DLGAP1: variants seen among roughly 807,000 people sequenced by gnomAD.
DLGAP1 encodes disks large-associated protein 1.
In DLGAP1, 11 loss-of-function variants were observed where a neutral mutation model predicts 90.8. That is an observed-to-expected ratio of 0.12 (90% CI 0.08 to 0.20). The LOEUF (loss-of-function observed/expected upper bound fraction) is 0.20, where lower values mean the gene tolerates loss of function less well. DLGAP1 is among the 10% of genes least tolerant of loss of function. The pLI is 1.00. For synonymous variants in DLGAP1, 558 were observed against 540.7 expected, an observed-to-expected ratio of 1.03 and a Z score of -0.44; for missense variants, 1,050 against 1,333.8, an observed-to-expected ratio of 0.79 and a Z score of 3.31.
intron 9 of DLGAP1, among the ~76,000 whole-genome samples, chr18:3,542,334 A>G (rs1486800488): frequency 6.6e-6 from 1 of 152,182 alleles, no homozygotes; most frequent in Non-Finnish European, 1.5e-5. Flanking sequence ...CTATTAGTCA[A>G]TTTCACCTGT....
chr18:3,652,835 T>C (rs2059361933), intron 7 of DLGAP1, among the ~76,000 whole-genome samples: 1 of 152,230 alleles, frequency 6.6e-6, no homozygotes, highest in Non-Finnish European at 1.5e-5. Context: ...ACAGAACACA[T>C]GCTGCTTATC....
Position 3,775,840 on chromosome 18 carries a change from T to C in DLGAP1, c.1173-33328A>G, listed in dbSNP as rs2064915729. Reference sequence around the variant, plus strand: ...ATATTCCAGAGGCTTGCTACCTTCTTTCCCCTTCCCAGAGATAAACAACCC... The same window carrying C: ...ATATTCCAGAGGCTTGCTACCTTCTCTCCCCTTCCCAGAGATAAACAACCC... On this transcript the variant is annotated intron_variant, in intron 5 of 12. Transcript: ENST00000315677. This position sits in a 1 kb window ranked among gnomAD's most constrained non-coding sequence, Gnocchi z 4.9. Among the ~76,000 whole-genome samples the C allele has an allele frequency of 6.6e-6, 1 of 152,182 alleles. No individual in the cohort carries two copies. The highest frequency in any genetic ancestry group is 1.5e-5 in the Non-Finnish European group (1 of 68,026).
intron 1 of DLGAP1, among the ~76,000 whole-genome samples, chr18:4,242,599 T>C (rs369366595): frequency 1.3e-5 from 2 of 152,072 alleles, no homozygotes; most frequent in African/African-American, 2.4e-5. Context: ...TCAGAAACAT[T>C]TGCACACCTG....
chr18:3,554,752 C>A (rs2053657081), intron 9 of DLGAP1, among the ~76,000 whole-genome samples: 2 of 152,152 alleles, frequency 1.3e-5, no homozygotes, highest in Admixed American at 1.3e-4. Flanking sequence ...GAAAACCACA[C>A]TAAATTTAGA....
At chr18:4,284,164 A>C (rs1366393778) in intron 1 of DLGAP1, among the ~76,000 whole-genome samples, 1 of 148,382 alleles carries the variant, frequency 6.7e-6, no homozygotes, top group Non-Finnish European at 1.5e-5. Context: ...TAGCCACTGC[A>C]CTCCAGCCTG....
chr18:4,208,272 GA>G (rs1031824847), intron 1 of DLGAP1, among the ~76,000 whole-genome samples: 3 of 152,048 alleles, frequency 2.0e-5, no homozygotes, highest in Admixed American at 1.3e-4. Context: ...AATTTCCATA[GA>G]AAAAATATTA....
In DLGAP1 at chr18:3,615,696, G is replaced by A. The variant is rs115476004; in HGVS notation, c.1592-33448C>T. Among the ~76,000 whole-genome samples, 671 of 152,292 alleles carry A rather than the reference G, an allele frequency of 4.4e-3. 7 individuals are homozygous for A. The highest frequency in any genetic ancestry group is 0.015 in the African/African-American group (627 of 41,538). On this transcript the variant is annotated intron_variant, in intron 7 of 12. Coordinates refer to ENST00000315677, the MANE Select transcript of DLGAP1 (RefSeq NM_004746.4). ...GCAGTAGCTAAAATTTCTCAAGTCTGTCTCTGTAGGCAACTGGAGACACCC... is the reference window on the plus strand; with the variant it reads ...GCAGTAGCTAAAATTTCTCAAGTCTATCTCTGTAGGCAACTGGAGACACCC...
At chr18:4,248,216 G>A (rs1238080949) in intron 1 of DLGAP1, among the ~76,000 whole-genome samples, 1 of 152,122 alleles carries the variant, frequency 6.6e-6, no homozygotes, top group Non-Finnish European at 1.5e-5. Flanking sequence ...GGAAAATAAT[G>A]AGGAAACAAG....
At chr18:4,187,927 G>A (rs2077327731) in intron 1 of DLGAP1, among the ~76,000 whole-genome samples, 2 of 152,130 alleles carry the variant, frequency 1.3e-5, no homozygotes, top group Admixed American at 1.3e-4. Context: ...AACCCTGGGA[G>A]GCAGAGGTTG....
chr18:4,428,717 C>T (rs2083212141), intron 1 of DLGAP1, among the ~76,000 whole-genome samples: 1 of 152,152 alleles, frequency 6.6e-6, no homozygotes, highest in African/African-American at 2.4e-5. Flanking sequence ...TGCCATGCTT[C>T]CTGTACAGCT....
intron 2 of DLGAP1, among the ~76,000 whole-genome samples, chr18:4,034,644 T>C (rs1246305192): frequency 6.6e-6 from 1 of 152,152 alleles, no homozygotes; most frequent in South Asian, 2.1e-4. Flanking sequence ...GTCACCTTTC[T>C]GGAAAAACAG....
rs146495711 is a variant in DLGAP1 at position 3,520,646 on chromosome 18, C to T, written c.2480-11985G>A. On this transcript the variant is annotated intron_variant, in intron 10 of 12. Transcript: ENST00000315677. ...GTGGTGGACTGCAAGCCAAGGAGAG[C>T]GACCTGAGGGGAAACCAGCCCCTTG... Among the ~76,000 whole-genome samples the T allele has an allele frequency of 1.4e-3, 212 of 152,246 alleles. 1 individual carries two copies. Among genetic ancestry groups the T allele is most frequent in the Non-Finnish European group, 2.2e-3 (151 of 68,010 alleles).
intron 4 of DLGAP1, 86 bp from the exon 5 acceptor site, chr18:3,814,359 C>CAA: frequency 9.8e-7 from 1 of 1,018,166 alleles, no homozygotes; most frequent in Non-Finnish European, 1.4e-6. Context: ...TTTAACATTT[C>CAA]TATTTTTTTT....
At chr18:4,299,454 G>A (rs887880746) in intron 1 of DLGAP1, among the ~76,000 whole-genome samples, 3 of 152,120 alleles carry the variant, frequency 2.0e-5, no homozygotes, top group African/African-American at 7.2e-5. Context: ...TAAATTAGAA[G>A]AGTTTCCTCA....
chr18:3,935,862 C>A (rs1265140364), intron 3 of DLGAP1, among the ~76,000 whole-genome samples: 1 of 152,218 alleles, frequency 6.6e-6, no homozygotes, highest in Non-Finnish European at 1.5e-5. Context: ...CTTTTCCACT[C>A]TGCCATTTTC....
At chr18:3,596,192 C>A (rs951765154) in intron 7 of DLGAP1, among the ~76,000 whole-genome samples, 1 of 151,972 alleles carries the variant, frequency 6.6e-6, no homozygotes, top group African/African-American at 2.4e-5. Context: ...CCGTGTCTTA[C>A]TCTGTCACCC....
intron 7 of DLGAP1, among the ~76,000 whole-genome samples, chr18:3,663,683 C>T (rs1435785694): frequency 6.6e-6 from 1 of 152,168 alleles, no homozygotes; most frequent in Non-Finnish European, 1.5e-5. Context: ...TACCATATTG[C>T]TACTGATCAG....
chr18:4,003,394 T>G (rs1208475546), intron 3 of DLGAP1, among the ~76,000 whole-genome samples: 1 of 151,960 alleles, frequency 6.6e-6, no homozygotes, highest in Non-Finnish European at 1.5e-5. Context: ...AGGATGTAAT[T>G]TCTTTTTGGA....
rs1175738933 is a variant in DLGAP1 at position 3,828,688 on chromosome 18, T to TA, written c.958-14416_958-14415insT. Among the ~76,000 whole-genome samples the TA allele has an allele frequency of 1.2e-3, 156 of 131,120 alleles. 1 individual carries two copies. Among genetic ancestry groups the TA allele is most frequent in the Middle Eastern group, 4.1e-3 (1 of 242 alleles). 86.0% of individuals were successfully genotyped at this position (131,120 alleles called of 152,430 possible). Reference sequence around the variant, plus strand: ...AGGACAAAAAGACAAAACAAAACCTTTAAAAAAAAAACTTTCAAGAACAAT... The same window carrying TA: ...AGGACAAAAAGACAAAACAAAACCTTATAAAAAAAAAACTTTCAAGAACAAT... On this transcript the variant is annotated intron_variant, in intron 4 of 12. Transcript: ENST00000315677.
Sources: gnomAD v4.1 joint callset for allele counts (sites outside exome capture counted in the v4.1 genomes callset) on GRCh38, gnomAD v4.1.1 for gene constraint, Gnocchi (gnomAD v3.1) non-coding constraint, MANE v1.5 for transcripts, NCBI Gene and HGNC (gene_info 2026-07-23, HGNC 2026-07-21) for gene names.